The following CIT variants were observed in gnomAD, a reference collection of about 807,000 sequenced individuals.
CIT encodes citron Rho-interacting kinase.
A neutral mutation model predicts 272.7 loss-of-function variants in CIT; 79 were observed. The observed-to-expected ratio is 0.29, with a 90% CI of 0.24 to 0.35. The LOEUF (loss-of-function observed/expected upper bound fraction) is 0.35. CIT is among the 10% of genes least tolerant of loss of function. CIT has a pLI of 1.00. For synonymous variants in CIT, 948 were observed against 995.6 expected, an observed-to-expected ratio of 0.95 and a Z score of 0.90; for missense variants, 1,909 against 2,618.3, an observed-to-expected ratio of 0.73 and a Z score of 5.91.
At chr12:119,842,393 A>AG (rs1969470133) in intron 5 of CIT, among the ~76,000 whole-genome samples, 1 of 140,868 alleles carries the variant, frequency 7.1e-6, no homozygotes, top group African/African-American at 3.1e-5. Flanking sequence ...CATCTCAAAA[A>AG]AAAAAAAAAA....
At chr12:119,709,384 T>A (rs926663832) in intron 39 of CIT, among the ~76,000 whole-genome samples, 1 of 152,022 alleles carries the variant, frequency 6.6e-6, no homozygotes, top group South Asian at 2.1e-4. Flanking sequence ...TGGGGGAGGC[T>A]ATGCATATAT....
chr12:119,858,296 CA>C (rs1364687510), intron 3 of CIT, among the ~76,000 whole-genome samples: 1 of 152,124 alleles, frequency 6.6e-6, no homozygotes, highest in Non-Finnish European at 1.5e-5. Flanking sequence ...GCAAGTGGAT[CA>C]CTGGAGGTCA....
At chr12:119,749,556 T>C (rs1287761555) in intron 23 of CIT, among the ~76,000 whole-genome samples, 1 of 152,166 alleles carries the variant, frequency 6.6e-6, no homozygotes, top group Non-Finnish European at 1.5e-5. Context: ...TGAAACTGAA[T>C]GGAAGCAAAT....
chr12:119,834,812 A>C (rs1968883909), intron 5 of CIT, among the ~76,000 whole-genome samples: 1 of 152,242 alleles, frequency 6.6e-6, no homozygotes, highest in African/African-American at 2.4e-5. Context: ...GATTCCTTGC[A>C]GTATTGTTTG....
At chr12:119,807,702 T>C (rs1966689777) in intron 9 of CIT, among the ~76,000 whole-genome samples, 1 of 152,116 alleles carries the variant, frequency 6.6e-6, no homozygotes, top group Admixed American at 6.5e-5. Context: ...ATGTTTGAAT[T>C]AAATGAAGAG....
At chr12:119,800,051 A>G (rs958569499) in intron 10 of CIT, among the ~76,000 whole-genome samples, 4 of 151,844 alleles carry the variant, frequency 2.6e-5, no homozygotes, top group Non-Finnish European at 4.4e-5. Flanking sequence ...AAATAAATGT[A>G]CCCCTTGCTA....
intron 30 of CIT, among the ~76,000 whole-genome samples, 182 bp downstream of exon 30, chr12:119,720,296 A>C (rs1252887951): frequency 6.6e-6 from 1 of 152,242 alleles, no homozygotes; most frequent in East Asian, 1.9e-4. Flanking sequence ...GATCACTGAT[A>C]TCTTTCAGTA....
At chr12:119,858,148 C>G (rs1213528323) in intron 3 of CIT, among the ~76,000 whole-genome samples, 2 of 152,104 alleles carry the variant, frequency 1.3e-5, no homozygotes, top group Non-Finnish European at 2.9e-5. Flanking sequence ...TAGTTTTATC[C>G]CACTAGCCCA....
chr12:119,698,084 G>A lies in CIT; in HGVS notation c.5624-30C>T, dbSNP rs1395671992. On this transcript the variant is annotated intron_variant, in intron 44 of 47. Transcript: ENST00000392521. ...GTGATCACCATGCAGGCACAGTGTGGGCCAAAGAATGGTGAAAAGAGGGAA... is the reference window on the plus strand; with the variant it reads ...GTGATCACCATGCAGGCACAGTGTGAGCCAAAGAATGGTGAAAAGAGGGAA... The A allele has an allele frequency of 1.9e-6, 3 of 1,593,998 alleles. No homozygotes were observed. In the African/African-American group the frequency reaches 4.0e-5, roughly 21 times the overall value.
At position 119,716,378 on chromosome 12, in the gene CIT, C is replaced by CAA. The variant is rs35690078; in HGVS notation, c.4168+1865_4168+1866dup. ...TGGGCGACAGAGCGAGACTCTGTCT[C>CAA]AAAAAAAAAAAAAAAAAAAAAAAAA... On this transcript the variant is annotated intron_variant, in intron 32 of 47. Transcript: ENST00000392521. 3.1e-3 allele frequency among the ~76,000 whole-genome samples: 55 copies of CAA among 17,802 alleles called. 6 individuals are homozygous for CAA. The highest frequency in any genetic ancestry group is 4.6e-3 in the Non-Finnish European group (46 of 10,102). 11.7% of individuals were successfully genotyped at this position (17,802 alleles called of 152,430 possible).
In CIT at chr12:119,841,177, C is replaced by CTT. The variant is rs746369072; in HGVS notation, c.517-6951_517-6950dup. On this transcript the variant is annotated intron_variant, in intron 5 of 47. Transcript: ENST00000392521. ...CTACAAAAGCAGCTGTTTATTTAACCTTTTTTTTTTTTTTTGAGATGGAGT... is the reference window on the plus strand; with the variant it reads ...CTACAAAAGCAGCTGTTTATTTAACCTTTTTTTTTTTTTTTTTGAGATGGAGT... Among the ~76,000 whole-genome samples, 582 of 142,578 alleles carry CTT rather than the reference C, an allele frequency of 4.1e-3. 5 individuals are homozygous for CTT. The highest frequency in any genetic ancestry group is 0.014 in the African/African-American group (557 of 38,912). The allele number at this position is 142,578 out of a possible 152,430, so 93.5% of individuals were successfully genotyped here.
intron 24 of CIT, among the ~76,000 whole-genome samples, chr12:119,740,822 C>T (rs1312640211): frequency 6.6e-6 from 1 of 151,976 alleles, no homozygotes; most frequent in Non-Finnish European, 1.5e-5. Context: ...AGAATGTCAC[C>T]CCCCAACTCC....
intron 2 of CIT, among the ~76,000 whole-genome samples, chr12:119,872,931 G>A (rs578129959): frequency 6.6e-6 from 1 of 152,228 alleles, no homozygotes; most frequent in South Asian, 2.1e-4. Flanking sequence ...TGAGTAGCTG[G>A]GACTACAGGC....
At chr12:119,856,087 C>T (rs1255936686) in intron 4 of CIT, among the ~76,000 whole-genome samples, 2 of 152,168 alleles carry the variant, frequency 1.3e-5, no homozygotes, top group Non-Finnish European at 2.9e-5. Flanking sequence ...ACAAAGAAGC[C>T]ACATCACTCT....
chr12:119,834,256 C>A (rs1397230996), intron 5 of CIT, 28 bp from the exon 6 acceptor site: 1 of 1,556,474 alleles, frequency 6.4e-7, no homozygotes, highest in Non-Finnish European at 8.7e-7. Context: ...GTTATTAATT[C>A]TTCACACACC....
intron 7 of CIT, among the ~76,000 whole-genome samples, chr12:119,829,282 G>A (rs1274243568): frequency 6.6e-6 from 1 of 151,672 alleles, no homozygotes; most frequent in Non-Finnish European, 1.5e-5. Flanking sequence ...AGGTTGCAGT[G>A]AGCCAAGGTC....
At chr12:119,812,066 C>T (rs1444850196) in intron 9 of CIT, among the ~76,000 whole-genome samples, 2 of 151,978 alleles carry the variant, frequency 1.3e-5, no homozygotes, top group Non-Finnish European at 1.5e-5. Flanking sequence ...ATGCTTCAGC[C>T]TCCCAAGTAG....
intron 13 of CIT, among the ~76,000 whole-genome samples, chr12:119,780,390 G>A (rs908704958): frequency 1.3e-5 from 2 of 152,228 alleles, no homozygotes; most frequent in East Asian, 1.9e-4. Context: ...AGGCCAAGGC[G>A]GGCAGATCAG....
chr12:119,704,577 T>C (rs1240663186), intron 40 of CIT, 122 bp from the exon 41 acceptor site: 3 of 845,486 alleles, frequency 3.5e-6, no homozygotes, highest in Non-Finnish European at 3.8e-6. Context: ...TTCTGTGTGG[T>C]GGGGGGAGGG....
Sources: allele counts gnomAD v4.1 joint callset (sites outside exome capture counted in the v4.1 genomes callset), GRCh38; gene constraint gnomAD v4.1.1; transcripts MANE v1.5; gene names NCBI Gene and HGNC (gene_info 2026-07-23, HGNC 2026-07-21).